Variants in TNIP3 observed in about 807,000 individuals in gnomAD.
TNIP3 encodes TNFAIP3-interacting protein 3.
In TNIP3, 34 loss-of-function variants were observed where a neutral mutation model predicts 54.1. The ratio of observed to expected loss-of-function variants is 0.63; its 90% confidence interval spans 0.48 to 0.84. The LOEUF is 0.84. TNIP3 is among the 40% of genes least tolerant of loss of function. The probability of loss-of-function intolerance (pLI) is 0.00; values close to 1 mark genes in which losing one functional copy is unlikely to be tolerated. For missense variants in TNIP3, 366 were observed against 387.6 expected (o/e 0.94, Z 0.47); for synonymous variants, 134 against 136.8 (o/e 0.98, Z 0.14).
At position 121,132,511 on chromosome 4, in the gene TNIP3, A is replaced by C. The variant is rs1452963280; in HGVS notation, c.*120T>G. ...ATACCAAAGGAAAACATGACCAGGC[A>C]CAAATAACAGGGTAGATGATGTGCC... On this transcript the variant is annotated 3_prime_UTR_variant, in exon 11 of 11. Transcript: ENST00000057513. The C allele has an allele frequency of 1.1e-6, 1 of 909,020 alleles. No homozygotes were observed. Among genetic ancestry groups the C allele is most frequent in the Non-Finnish European group, 1.7e-6 (1 of 580,932 alleles). 56.3% of individuals were successfully genotyped at this position (909,020 alleles called of 1,614,324 possible).
intron 1 of TNIP3, among the ~76,000 whole-genome samples, chr4:121,222,357 G>T (rs1220699007): frequency 6.6e-6 from 1 of 152,022 alleles, no homozygotes; most frequent in Non-Finnish European, 1.5e-5. Flanking sequence ...TTACAAATTC[G>T]CTTTTTCAAA....
intron 6 of TNIP3, among the ~76,000 whole-genome samples, chr4:121,149,172 T>C (rs774757024): frequency 6.6e-6 from 1 of 152,312 alleles, no homozygotes; most frequent in Non-Finnish European, 1.5e-5. Context: ...ATGCTGCCAA[T>C]AGATACATGC....
At chr4:121,143,606 A>T (rs939160658) in intron 7 of TNIP3, among the ~76,000 whole-genome samples, 1 of 152,182 alleles carries the variant, frequency 6.6e-6, no homozygotes. Context: ...ATATTCCATA[A>T]AGTCACCACG....
At chr4:121,174,679 A>T (rs557070758) in intron 3 of TNIP3, among the ~76,000 whole-genome samples, 1 of 152,342 alleles carries the variant, frequency 6.6e-6, no homozygotes, top group African/African-American at 2.4e-5. Flanking sequence ...CACTGGAAAA[A>T]AAAAAGGAAT....
At chr4:121,139,829 A>G (rs1220967270) in intron 9 of TNIP3, among the ~76,000 whole-genome samples, 1 of 152,206 alleles carries the variant, frequency 6.6e-6, no homozygotes, top group Non-Finnish European at 1.5e-5. Context: ...AACACATAGG[A>G]TAAGTGACGT....
chr4:121,171,302 T>C (rs1204719366), intron 3 of TNIP3, among the ~76,000 whole-genome samples: 1 of 152,222 alleles, frequency 6.6e-6, no homozygotes, highest in African/African-American at 2.4e-5. Context: ...TAATTTATTT[T>C]GTGCAATTTA....
intron 2 of TNIP3, chr4:121,182,913 A>G (rs1488501468): frequency 2.9e-6 from 3 of 1,019,248 alleles, no homozygotes; most frequent in Admixed American, 2.5e-5. Context: ...CTTCTCTACG[A>G]TCTCCCAAAC....
intron 9 of TNIP3, among the ~76,000 whole-genome samples, chr4:121,139,729 C>T (rs183241137): frequency 1.1e-3 from 172 of 152,252 alleles, no homozygotes; most frequent in African/African-American, 4.0e-3. Flanking sequence ...CACCTAGGCC[C>T]TTGGCTCCTC....
intron 2 of TNIP3, among the ~76,000 whole-genome samples, chr4:121,160,923 T>G (rs1274622611): frequency 6.6e-6 from 1 of 152,206 alleles, no homozygotes; most frequent in African/African-American, 2.4e-5. Context: ...TTGTCGTTTT[T>G]CATTCGTCAC....
intron 2 of TNIP3, among the ~76,000 whole-genome samples, chr4:121,193,584 A>C (rs2148834482): frequency 6.6e-6 from 1 of 152,302 alleles, no homozygotes; most frequent in African/African-American, 2.4e-5. Context: ...AGTAAGAAGT[A>C]TCAATAGATG....
exon 3 of TNIP3, chr4:121,182,751 C>G (rs1334101453): frequency 3.3e-6 from 5 of 1,534,080 alleles, no homozygotes; most frequent in Non-Finnish European, 4.4e-6. Context: ...ACGCATTTCT[C>G]TCAATCAGAT....
At chr4:121,221,342 A>G (rs1290318006), upstream of TNIP3, among the ~76,000 whole-genome samples, 1 of 152,186 alleles carries the variant, frequency 6.6e-6, no homozygotes, top group Non-Finnish European at 1.5e-5. Context: ...ATAAATATTA[A>G]AAAAGAAAAA....
chr4:121,182,719 G>A lies in TNIP3; in HGVS notation c.146C>T (p.Thr49Ile), dbSNP rs529030490. Residue 49 changes from threonine to isoleucine, a missense_variant, in exon 3 of 13, where the codon ACC becomes ATC. Coordinates refer to the TNIP3 transcript ENST00000507879. ...TCTGTGAGTTGGCATGGCCTCTGGG[G>A]TGAACCGTTTTGGATGAGGAGACGC... 8.5e-6 allele frequency: 13 copies of A among 1,534,136 alleles called. 1 individual carries two copies. The South Asian group carries it at 1.5e-4, about 18-fold the overall frequency.
At chr4:121,136,402 T>C (rs1191086109) in intron 10 of TNIP3, among the ~76,000 whole-genome samples, 1 of 152,230 alleles carries the variant, frequency 6.6e-6, no homozygotes, top group East Asian at 1.9e-4. Context: ...TAGAATCCTA[T>C]ATATCAAATA....
At chr4:121,184,878 T>C (rs1238265131) in intron 2 of TNIP3, among the ~76,000 whole-genome samples, 1 of 152,212 alleles carries the variant, frequency 6.6e-6, no homozygotes. Context: ...TCAGGTTTTT[T>C]CCACAAACCT....
intron 2 of TNIP3, among the ~76,000 whole-genome samples, chr4:121,183,734 T>C (rs951447129): frequency 2.0e-5 from 3 of 152,068 alleles, no homozygotes; most frequent in African/African-American, 4.8e-5. Context: ...GAGAACATTA[T>C]TGTGAACTGC....
chr4:121,199,621 A>G (rs183204188), intron 2 of TNIP3, among the ~76,000 whole-genome samples: 60 of 152,342 alleles, frequency 3.9e-4, no homozygotes, highest in African/African-American at 1.3e-3. Flanking sequence ...ACATTCCTCT[A>G]TTCTTCAATG....
intron 3 of TNIP3, among the ~76,000 whole-genome samples, chr4:121,180,359 C>T (rs952547179): frequency 2.0e-5 from 3 of 151,974 alleles, no homozygotes; most frequent in African/African-American, 7.3e-5. Flanking sequence ...GAGATCGCAC[C>T]ACTGCACTCC....
chr4:121,170,576 C>T (rs1414891561), intron 3 of TNIP3, among the ~76,000 whole-genome samples: 1 of 151,878 alleles, frequency 6.6e-6, no homozygotes, highest in Non-Finnish European at 1.5e-5. Context: ...CATACAAATG[C>T]CTCTTAAAAT....
Sources: allele counts gnomAD v4.1 joint callset (sites outside exome capture counted in the v4.1 genomes callset), GRCh38; gene constraint gnomAD v4.1.1; transcripts MANE v1.5; gene names NCBI Gene and HGNC (gene_info 2026-07-23, HGNC 2026-07-21).